The following CNTN1 variants were observed in gnomAD, a reference collection of about 807,000 sequenced individuals.
CNTN1 encodes the protein contactin-1.
In CNTN1, 38 loss-of-function variants were observed where a neutral mutation model predicts 126.4. The observed-to-expected ratio is 0.30, with a 90% CI of 0.23 to 0.39. The LOEUF (loss-of-function observed/expected upper bound fraction) is 0.39. CNTN1 is among the 10% of genes least tolerant of loss of function. The pLI is 1.00. For synonymous variants in CNTN1, 413 were observed against 422.6 expected (o/e 0.98, Z 0.28); for missense variants, 1,009 against 1,248.4 (o/e 0.81, Z 2.89).
chr12:40,711,285 C>T (rs977966399), intron 1 of CNTN1, among the ~76,000 whole-genome samples: 1 of 152,146 alleles, frequency 6.6e-6, no homozygotes, highest in Non-Finnish European at 1.5e-5. Flanking sequence ...ACTTTTCTAG[C>T]TATGTTTTTC....
intron 1 of CNTN1, among the ~76,000 whole-genome samples, chr12:40,806,444 G>A (rs968190721): frequency 4.6e-5 from 7 of 152,002 alleles, no homozygotes; most frequent in East Asian, 1.9e-4. Context: ...TTACCCACCC[G>A]CTAATGTCAT....
intron 6 of CNTN1, among the ~76,000 whole-genome samples, chr12:40,925,612 TATATATATATACACATATATATATATAG>T: frequency 6.9e-6 from 1 of 144,558 alleles, no homozygotes; most frequent in African/African-American, 2.5e-5. Context: ...TATACGTGTA[TATATATATATACACATATATATATATAG>T]AGAGAGAGAG....
At chr12:41,050,567 C>A (rs1949652679) in intron 23 of CNTN1, among the ~76,000 whole-genome samples, 1 of 152,152 alleles carries the variant, frequency 6.6e-6, no homozygotes, top group Admixed American at 6.6e-5. Context: ...CAGGTCCCTC[C>A]CCCAACACTG....
At chr12:40,711,058 A>T (rs1351283088) in intron 1 of CNTN1, among the ~76,000 whole-genome samples, 2 of 152,100 alleles carry the variant, frequency 1.3e-5, no homozygotes, top group Non-Finnish European at 2.9e-5. Context: ...CCTCAGCATC[A>T]CTATTTCTAC....
rs1261149397 is a variant in CNTN1, at chr12:40,959,109, A to G, written c.1684-5A>G. ...GATTTGAATAATTGCTGTTTTTGCT[A>G]ACAGCTGGATTCCAATGGGGAATTA... On this transcript the variant is annotated splice_polypyrimidine_tract_variant and splice_region_variant and intron_variant, in intron 14 of 23. Transcript: ENST00000551295. The G allele has an allele frequency of 6.2e-7, 1 of 1,612,272 alleles. No individual in the cohort carries two copies. Among genetic ancestry groups the G allele is most frequent in the African/African-American group, 1.3e-5 (1 of 74,964 alleles).
chr12:40,843,623 A>C (rs1592148635), intron 1 of CNTN1, among the ~76,000 whole-genome samples: 1 of 152,198 alleles, frequency 6.6e-6, no homozygotes, highest in Non-Finnish European at 1.5e-5. Context: ...GGCAGTTGTG[A>C]TAAGAAAGTA....
At chr12:40,918,977 T>C (rs1478604288) in intron 4 of CNTN1, among the ~76,000 whole-genome samples, 1 of 152,178 alleles carries the variant, frequency 6.6e-6, no homozygotes, top group Non-Finnish European at 1.5e-5. Flanking sequence ...TCTCTTACTA[T>C]TTTTTGCACA....
intron 1 of CNTN1, among the ~76,000 whole-genome samples, chr12:40,887,368 C>G (rs568514111): frequency 6.6e-6 from 1 of 152,130 alleles, no homozygotes; most frequent in Non-Finnish European, 1.5e-5. Flanking sequence ...TGAACAGACA[C>G]TTCTCAAAAG....
Position 41,072,318 on chromosome 12 carries a change from A to G in CNTN1, c.*2283A>G, listed in dbSNP as rs1950171905. 1 of 152,102 alleles carries G rather than the reference A, an allele frequency of 6.6e-6. No homozygotes were observed. The highest frequency in any genetic ancestry group is 1.5e-5 in the Non-Finnish European group (1 of 68,004). The allele number at this position is 152,102 out of a possible 1,614,324, so 9.4% of individuals were successfully genotyped here. A position where few individuals can be genotyped will look rare whatever the true frequency, so the allele number is the denominator to read the frequency against. On this transcript the variant is annotated 3_prime_UTR_variant, in exon 24 of 24. Transcript: ENST00000551295. ...ATTGATTTTTTAGTTATTTTTTATC[A>G]TTTTTTCAATGGAGTAGTATAGGAC... is the stretch of plus-strand genomic sequence containing the variant.
chr12:40,832,280 G>T (rs1362457189), intron 1 of CNTN1, among the ~76,000 whole-genome samples: 1 of 152,088 alleles, frequency 6.6e-6, no homozygotes. Flanking sequence ...AATATTTTTT[G>T]ATTGCATATT....
At chr12:40,976,289 G>A (rs1947668109) in intron 15 of CNTN1, among the ~76,000 whole-genome samples, 1 of 152,116 alleles carries the variant, frequency 6.6e-6, no homozygotes, top group Admixed American at 6.6e-5. Context: ...GTCATCTAAT[G>A]TATCTAGGCA....
chr12:40,786,053 T>G (rs1373749554), intron 1 of CNTN1, among the ~76,000 whole-genome samples: 11 of 152,154 alleles, frequency 7.2e-5, no homozygotes, highest in South Asian at 4.1e-4. Flanking sequence ...AACAGCTCTG[T>G]AAAAACATAG....
chr12:40,883,108 A>T (rs1383715457), intron 1 of CNTN1, among the ~76,000 whole-genome samples: 1 of 151,626 alleles, frequency 6.6e-6, no homozygotes, highest in Non-Finnish European at 1.5e-5. Flanking sequence ...CTAAATTTTA[A>T]TCAAGCCTGA....
At chr12:40,936,057 C>CT (rs1350062577) in intron 9 of CNTN1, among the ~76,000 whole-genome samples, 2 of 151,992 alleles carry the variant, frequency 1.3e-5, no homozygotes, top group African/African-American at 4.8e-5. Flanking sequence ...GACTAGATAA[C>CT]TGAAATAATC....
intron 15 of CNTN1, among the ~76,000 whole-genome samples, chr12:40,975,876 T>C (rs149891516): frequency 4.7e-4 from 71 of 152,302 alleles, no homozygotes; most frequent in African/African-American, 1.6e-3. Context: ...CAATTAGTGG[T>C]ATCCACTCTT....
At chr12:40,852,070 C>G (rs142418724) in intron 1 of CNTN1, among the ~76,000 whole-genome samples, 3 of 152,246 alleles carry the variant, frequency 2.0e-5, no homozygotes, top group Non-Finnish European at 4.4e-5. Flanking sequence ...ATAAATCAAC[C>G]ATTACCATGG....
chr12:40,930,980 A>G (rs1391253977), intron 7 of CNTN1, among the ~76,000 whole-genome samples: 1 of 151,972 alleles, frequency 6.6e-6, no homozygotes, highest in East Asian at 1.9e-4. Flanking sequence ...CCAGAAATAT[A>G]CTTGCAATTC....
Position 41,069,919 on chromosome 12 carries a change from A to T in CNTN1, c.2981-40A>T, listed in dbSNP as rs534949322. 5.0e-5 allele frequency: 76 copies of T among 1,515,510 alleles called. No individual in the cohort carries two copies. In the South Asian group the frequency reaches 8.5e-4, roughly 17 times the overall value. 93.9% of individuals were successfully genotyped at this position (1,515,510 alleles called of 1,614,324 possible). A position where few individuals can be genotyped will look rare whatever the true frequency, so the allele number is the denominator to read the frequency against. ...GACTAAATGAGCAATAGTGACATGTATCAATGAAATAATATGCACACTTTT... is the reference window on the plus strand; with the variant it reads ...GACTAAATGAGCAATAGTGACATGTTTCAATGAAATAATATGCACACTTTT... On this transcript the variant is annotated intron_variant, in intron 23 of 23. Coordinates refer to ENST00000551295, the MANE Select transcript of CNTN1 (RefSeq NM_001843.4).
At chr12:40,853,055 A>T (rs1212161054) in intron 1 of CNTN1, among the ~76,000 whole-genome samples, 2 of 152,104 alleles carry the variant, frequency 1.3e-5, no homozygotes, top group African/African-American at 4.8e-5. Context: ...CTTATATTCC[A>T]TGACATCTTG....
Sources: allele counts gnomAD v4.1 joint callset (sites outside exome capture counted in the v4.1 genomes callset), GRCh38; gene constraint gnomAD v4.1.1; transcripts MANE v1.5; gene names NCBI Gene and HGNC (gene_info 2026-07-23, HGNC 2026-07-21).